AGAP1: variants seen among roughly 807,000 people sequenced by gnomAD.
The protein encoded by AGAP1 is arf-GAP with GTPase, ANK repeat and PH domain-containing protein 1.
In AGAP1, 29 loss-of-function variants were observed where a neutral mutation model predicts 105.3. The ratio of observed to expected loss-of-function variants is 0.28; its 90% confidence interval spans 0.21 to 0.38. The LOEUF is 0.38. AGAP1 is among the 10% of genes least tolerant of loss of function. The pLI, the probability that AGAP1 is intolerant of heterozygous loss-of-function variation, is 1.00. For missense variants in AGAP1, 998 were observed against 1,165.1 expected, an observed-to-expected ratio of 0.86 and a Z score of 2.09; for synonymous variants, 509 against 485.9, an observed-to-expected ratio of 1.05 and a Z score of -0.63.
chr2:235,522,257 G>A (rs1942651361), intron 1 of AGAP1, among the ~76,000 whole-genome samples: 1 of 152,198 alleles, frequency 6.6e-6, no homozygotes, highest in Non-Finnish European at 1.5e-5. Context: ...GGACTGGTGA[G>A]AATGTCACGT....
chr2:235,629,330 A>G (rs1946749926), intron 1 of AGAP1, among the ~76,000 whole-genome samples: 1 of 148,538 alleles, frequency 6.7e-6, no homozygotes. Flanking sequence ...ATGTGTATAC[A>G]CCACAGTTTC....
Position 235,734,679 on chromosome 2 carries a change from G to A in AGAP1, c.311-6284G>A, listed in dbSNP as rs1575267178. Among the ~76,000 whole-genome samples the A allele has an allele frequency of 1.3e-5, 2 of 152,370 alleles. No individual in the cohort carries two copies. The highest frequency in any genetic ancestry group is 1.3e-4 in the Admixed American group (2 of 15,306). On this transcript the variant is annotated intron_variant, in intron 3 of 17. Transcript: ENST00000304032. This position sits in a 1 kb window ranked among gnomAD's most constrained non-coding sequence, Gnocchi z 5.3. ...TAAAGACAGAGGCCACCCTTCCCAA[G>A]TGTGAGTGGAGTAAGGATAAGATAG...
chr2:235,881,522 T>C (rs1228459365), intron 9 of AGAP1, among the ~76,000 whole-genome samples: 1 of 152,190 alleles, frequency 6.6e-6, no homozygotes, highest in East Asian at 1.9e-4. Flanking sequence ...CCATTTTTCT[T>C]GGTTAACATG....
At chr2:235,602,720 G>A (rs78708794) in intron 1 of AGAP1, among the ~76,000 whole-genome samples, 1 of 149,752 alleles carries the variant, frequency 6.7e-6, no homozygotes, top group Non-Finnish European at 1.5e-5. Context: ...TCTTTTTTTT[G>A]AGAAGGAATC....
intron 1 of AGAP1, among the ~76,000 whole-genome samples, chr2:235,510,242 A>G (rs1325451197): frequency 6.6e-6 from 1 of 152,208 alleles, no homozygotes; most frequent in East Asian, 1.9e-4. Flanking sequence ...TTCAGTGGGA[A>G]AATTGTCTTC....
rs1953755043 is a variant in AGAP1 at position 235,754,580 on chromosome 2, A to C, written c.673+4092A>C. Among the ~76,000 whole-genome samples the C allele has an allele frequency of 6.6e-6, 1 of 152,222 alleles. No homozygotes were observed. The highest frequency in any genetic ancestry group is 2.4e-5 in the African/African-American group (1 of 41,460). On this transcript the variant is annotated intron_variant, in intron 6 of 17. Transcript: ENST00000304032. The surrounding 1 kb of genome is among the most constrained non-coding windows in gnomAD (Gnocchi z 4.6). ...TGTCTTGTAACAAAAGGACATTGTA[A>C]AAATGAATGGAGAAACCTTGCATTC...
intron 1 of AGAP1, among the ~76,000 whole-genome samples, chr2:235,626,115 G>A (rs1212979597): frequency 6.6e-6 from 1 of 151,754 alleles, no homozygotes; most frequent in South Asian, 2.1e-4. Context: ...TTGGGAGGCC[G>A]AGGCAGGTGG....
In AGAP1 at chr2:235,612,675, G is replaced by A. The variant is rs369910371; in HGVS notation, c.164-96504G>A. 1.3e-5 allele frequency among the ~76,000 whole-genome samples: 2 copies of A among 152,294 alleles called. No homozygotes were observed. Among genetic ancestry groups the A allele is most frequent in the South Asian group, 2.1e-4 (1 of 4,826 alleles). The stretch of plus-strand genomic sequence containing the variant: ...CCAAACTTGGGAAATCCTGACCAGC[G>A]CATCCAGGGTTGCTTGGGCACAGTG... On this transcript the variant is annotated intron_variant, in intron 1 of 17. Transcript: ENST00000304032. This position sits in a 1 kb window ranked among gnomAD's most constrained non-coding sequence, Gnocchi z 4.3.
chr2:235,969,971 G>A (rs925793131), intron 13 of AGAP1, among the ~76,000 whole-genome samples: 1 of 152,148 alleles, frequency 6.6e-6, no homozygotes, highest in African/African-American at 2.4e-5. Flanking sequence ...GGAGGCCAAG[G>A]CAGGAAGATC....
At chr2:235,810,146 A>C (rs961333464) in intron 9 of AGAP1, among the ~76,000 whole-genome samples, 10 of 152,184 alleles carry the variant, frequency 6.6e-5, no homozygotes, top group Non-Finnish European at 1.5e-4. Context: ...TGAGACAAAA[A>C]TATCTTACGA....
At chr2:235,949,160 C>T (rs915962904) in intron 12 of AGAP1, among the ~76,000 whole-genome samples, 1 of 152,174 alleles carries the variant, frequency 6.6e-6, no homozygotes, top group Non-Finnish European at 1.5e-5. Context: ...CAGTCAAATA[C>T]AGGAAGGCCC....
At chr2:235,607,180 T>G (rs1945970835) in intron 1 of AGAP1, among the ~76,000 whole-genome samples, 1 of 133,550 alleles carries the variant, frequency 7.5e-6, no homozygotes, top group African/African-American at 3.5e-5. Context: ...TGTTTCCAAA[T>G]CCAGAGCCCC....
intron 13 of AGAP1, among the ~76,000 whole-genome samples, chr2:236,019,364 G>T (rs1213064296): frequency 6.6e-6 from 1 of 152,196 alleles, no homozygotes; most frequent in Non-Finnish European, 1.5e-5. Flanking sequence ...AGAGGCCCTG[G>T]ATGCTCTGGG....
Position 235,932,354 on chromosome 2 carries a change from C to T in AGAP1, c.1483+1431C>T, listed in dbSNP as rs147705471. Among the ~76,000 whole-genome samples the T allele has an allele frequency of 3.5e-3, 531 of 152,312 alleles. 2 individuals carry two copies. Among genetic ancestry groups the T allele is most frequent in the Non-Finnish European group, 5.7e-3 (388 of 68,030 alleles). On this transcript the variant is annotated intron_variant, in intron 12 of 17. Transcript: ENST00000304032. ...CCACAACACAGGACAGTAGGCTCTT[C>T]GTGACTGAAGAACCACTGTTAATCA... is the stretch of plus-strand genomic sequence containing the variant.
At chr2:235,603,382 G>A (rs1177259598) in intron 1 of AGAP1, among the ~76,000 whole-genome samples, 1 of 152,096 alleles carries the variant, frequency 6.6e-6, no homozygotes, top group Non-Finnish European at 1.5e-5. Flanking sequence ...ACGAACTAAG[G>A]CACCTACTGT....
chr2:235,807,460 T>G, intron 9 of AGAP1, 129 bp downstream of exon 9: 1 of 706,708 alleles, frequency 1.4e-6, no homozygotes, highest in Admixed American at 3.6e-5. Context: ...AGTCTCTCAC[T>G]TGACATCAAT....
At chr2:235,833,251 C>T (rs952223776) in intron 9 of AGAP1, among the ~76,000 whole-genome samples, 3 of 152,176 alleles carry the variant, frequency 2.0e-5, no homozygotes, top group Admixed American at 2.0e-4. Flanking sequence ...ACGACAGAGG[C>T]TGGCGTAGGC....
chr2:235,579,547 G>T (rs986886355), intron 1 of AGAP1, among the ~76,000 whole-genome samples: 1 of 152,110 alleles, frequency 6.6e-6, no homozygotes, highest in South Asian at 2.1e-4. Flanking sequence ...AGGCCTAGGC[G>T]GGCAGATCAC....
At chr2:235,671,164 G>C (rs1948399536) in intron 1 of AGAP1, 1 of 1,173,854 alleles carries the variant, frequency 8.5e-7, no homozygotes, top group African/African-American at 1.6e-5. Context: ...GCCTGCACGT[G>C]GCCTCGAGGG....
Sources: allele counts gnomAD v4.1 joint callset (sites outside exome capture counted in the v4.1 genomes callset), GRCh38; gene constraint gnomAD v4.1.1; non-coding constraint Gnocchi (gnomAD v3.1); transcripts MANE v1.5; gene names NCBI Gene and HGNC (gene_info 2026-07-23, HGNC 2026-07-21).